The following LARP4B variants were observed in gnomAD, a reference collection of about 807,000 sequenced individuals.
The protein encoded by LARP4B is la-related protein 4B.
LARP4B carries 12 observed loss-of-function variants against 89.8 expected under a neutral mutation model. The observed-to-expected ratio is 0.13, with a 90% CI of 0.09 to 0.22. The LOEUF is 0.22. LARP4B is among the 10% of genes least tolerant of loss of function. The pLI is 1.00. For synonymous variants in LARP4B, 367 were observed against 363.3 expected (o/e 1.01, Z -0.12); for missense variants, 757 against 947.7 (o/e 0.80, Z 2.64).
the LARP4B span, among the ~76,000 whole-genome samples, chr10:963,773 G>T: frequency 6.6e-6 from 1 of 152,196 alleles, no homozygotes; most frequent in African/African-American, 2.4e-5. Flanking sequence ...CCTTCTTGAC[G>T]TGTCATGACA....
intron 1 of LARP4B, among the ~76,000 whole-genome samples, chr10:886,678 C>T (rs933990132): frequency 7.2e-5 from 11 of 152,108 alleles, no homozygotes; most frequent in African/African-American, 2.2e-4. Context: ...CATGGGTGAA[C>T]CTGAAGGATA....
the LARP4B span, among the ~76,000 whole-genome samples, chr10:966,836 C>T: frequency 1.3e-5 from 2 of 152,144 alleles, no homozygotes; most frequent in Non-Finnish European, 2.9e-5. Flanking sequence ...CCCCTCACCC[C>T]CACTGTGGCT....
In LARP4B at chr10:812,745, G is replaced by GA. The variant is rs1172446016; in HGVS notation, c.*180dup. The GA allele has an allele frequency of 2.3e-6, 1 of 442,152 alleles. No individual in the cohort carries two copies. Among genetic ancestry groups the GA allele is most frequent in the Non-Finnish European group, 3.8e-6 (1 of 264,856 alleles). The allele number at this position is 442,152 out of a possible 1,614,324, so 27.4% of individuals were successfully genotyped here. A position where few individuals can be genotyped will look rare whatever the true frequency, so the allele number is the denominator to read the frequency against. On this transcript the variant is annotated 3_prime_UTR_variant, in exon 18 of 18. Coordinates refer to ENST00000316157, the MANE Select transcript of LARP4B (RefSeq NM_015155.3). Reference sequence around the variant, plus strand: ...ATAAGGTTTGTATTAATTAAATCCTGAAAAATCGATTTTTTTTCAAGAGGG... The same window carrying GA: ...ATAAGGTTTGTATTAATTAAATCCTGAAAAAATCGATTTTTTTTCAAGAGGG...
At chr10:899,978 T>C (rs150584058) in intron 1 of LARP4B, among the ~76,000 whole-genome samples, 13 of 152,206 alleles carry the variant, frequency 8.5e-5, no homozygotes, top group African/African-American at 2.6e-4. Flanking sequence ...CACCCAGACT[T>C]TGATCCCTTT....
chr10:885,730 C>T lies in LARP4B; in HGVS notation c.-9G>A. 1 of 1,612,328 alleles carries T rather than the reference C, an allele frequency of 6.2e-7. No individual in the cohort carries two copies. Among genetic ancestry groups the T allele is most frequent in the South Asian group, 1.1e-5 (1 of 90,994 alleles). On this transcript the variant is annotated 5_prime_UTR_variant, in exon 2 of 18. It adds an upstream start codon to the 5' untranslated region. Coordinates refer to ENST00000316157, the MANE Select transcript of LARP4B (RefSeq NM_015155.3). ...TCCTGATCAGAAGTCATGGGCTCCACTGGGAGAAGTGTAATGCTAACCTCA... is the reference window on the plus strand; with the variant it reads ...TCCTGATCAGAAGTCATGGGCTCCATTGGGAGAAGTGTAATGCTAACCTCA...
chr10:976,037 G>A, the LARP4B span, among the ~76,000 whole-genome samples: 1 of 107,194 alleles, frequency 9.3e-6, no homozygotes, highest in African/African-American at 3.3e-5. Context: ...GTCGTGCAAC[G>A]TGTGGACCCG....
intron 7 of LARP4B, among the ~76,000 whole-genome samples, chr10:838,655 T>C (rs1833358780): frequency 6.6e-6 from 1 of 152,160 alleles, no homozygotes; most frequent in African/African-American, 2.4e-5. Context: ...TCCCATTCAC[T>C]GCCGATGGGA....
chr10:855,819 T>C (rs1404653535), intron 5 of LARP4B, among the ~76,000 whole-genome samples: 1 of 152,214 alleles, frequency 6.6e-6, no homozygotes, highest in Non-Finnish European at 1.5e-5. Flanking sequence ...AGTAGCACAA[T>C]GAAGCAAGCT....
chr10:959,822 ATTCCCACCTCCTCG>A, the LARP4B span, among the ~76,000 whole-genome samples: 1 of 106,324 alleles, frequency 9.4e-6, no homozygotes, highest in East Asian at 2.9e-4. Context: ...CCTCCTCGTC[ATTCCCACCTCCTCG>A]TCATTCCCAC....
rs2131592415 is a variant in LARP4B, at chr10:814,257, T to C, written c.1929+485A>G. On this transcript the variant is annotated intron_variant, in intron 17 of 17. Coordinates refer to ENST00000316157, the MANE Select transcript of LARP4B (RefSeq NM_015155.3). The surrounding 1 kb of genome is among the most constrained non-coding windows in gnomAD (Gnocchi z 4.4). ...AAACTACAGAGGCCACAACTCAGAGTAAGAGAGGCCACAGTTCACCCAGTA... is the reference window on the plus strand; with the variant it reads ...AAACTACAGAGGCCACAACTCAGAGCAAGAGAGGCCACAGTTCACCCAGTA... Among the ~76,000 whole-genome samples the C allele has an allele frequency of 6.7e-6, 1 of 150,130 alleles. No homozygotes were observed. The highest frequency in any genetic ancestry group is 1.5e-5 in the Non-Finnish European group (1 of 67,408).
intron 3 of LARP4B, among the ~76,000 whole-genome samples, chr10:871,945 T>C (rs73584578): frequency 1.2e-4 from 19 of 152,284 alleles, no homozygotes; most frequent in African/African-American, 3.8e-4. Context: ...CTGCAACACA[T>C]GCAGTGTCAG....
chr10:967,676 CA>C, the LARP4B span, among the ~76,000 whole-genome samples: 8 of 152,144 alleles, frequency 5.3e-5, no homozygotes, highest in African/African-American at 1.9e-4. Context: ...CAGGCGGAGG[CA>C]ACCCCGGACT....
intron 13 of LARP4B, 29 bp downstream of exon 13, chr10:825,036 T>C (rs2131635855): frequency 1.9e-6 from 3 of 1,596,066 alleles, no homozygotes; most frequent in Non-Finnish European, 2.6e-6. Context: ...TAGTTTATGA[T>C]GTTACACAGT....
At chr10:968,138 C>T in the LARP4B span, among the ~76,000 whole-genome samples, 15 of 152,268 alleles carry the variant, frequency 9.9e-5, no homozygotes, top group Admixed American at 2.6e-4. Context: ...ACTAAGATTC[C>T]TTCTGTCTCC....
At chr10:813,391 A>C (rs995194023) in intron 17 of LARP4B, among the ~76,000 whole-genome samples, 178 bp from the exon 18 acceptor site, 1 of 152,256 alleles carries the variant, frequency 6.6e-6, no homozygotes, top group African/African-American at 2.4e-5. Context: ...CCTGCAGCAG[A>C]ACACTCCCTC....
chr10:976,153 G>A, the LARP4B span, among the ~76,000 whole-genome samples: 2,970 of 138,108 alleles, frequency 0.022, 100 homozygotes, highest in Non-Finnish European at 0.032. Context: ...TAGGCCTGTC[G>A]CGTAAGGTGC....
chr10:895,693 G>C (rs1192730765), intron 1 of LARP4B, among the ~76,000 whole-genome samples: 1 of 144,464 alleles, frequency 6.9e-6, no homozygotes, highest in South Asian at 2.2e-4. Context: ...AAAAAGAAAA[G>C]AAAAGTAGAA....
chr10:832,521 T>C (rs889932517), intron 8 of LARP4B, among the ~76,000 whole-genome samples: 2 of 152,168 alleles, frequency 1.3e-5, no homozygotes, highest in Non-Finnish European at 1.5e-5. Context: ...TACGAGAAGT[T>C]TGAAAACTAC....
chr10:897,781 A>G (rs1836229465), intron 1 of LARP4B, among the ~76,000 whole-genome samples: 1 of 152,034 alleles, frequency 6.6e-6, no homozygotes, highest in Non-Finnish European at 1.5e-5. Context: ...TGAGGTCAGG[A>G]GTTCGAGACC....
Sources: allele counts gnomAD v4.1 joint callset (sites outside exome capture counted in the v4.1 genomes callset), GRCh38; gene constraint gnomAD v4.1.1; non-coding constraint Gnocchi (gnomAD v3.1); transcripts MANE v1.5; gene names NCBI Gene and HGNC (gene_info 2026-07-23, HGNC 2026-07-21).